CHN2: variants seen among roughly 807,000 people sequenced by gnomAD.
CHN2 encodes chimerin 2.
In CHN2, 35 loss-of-function variants were observed where a neutral mutation model predicts 56.3. The observed-to-expected ratio is 0.62, with a 90% CI of 0.47 to 0.82. The LOEUF is 0.82. Among genes scored for constraint, CHN2 ranks in the 40% least tolerant of loss-of-function variants. The pLI, the probability that CHN2 is intolerant of heterozygous loss-of-function variation, is 0.00. For synonymous variants in CHN2, 210 were observed against 212.8 expected, an observed-to-expected ratio of 0.99 and a Z score of 0.12; for missense variants, 491 against 580.5, an observed-to-expected ratio of 0.85 and a Z score of 1.58.
At chr7:29,229,224 T>C (rs372875601) in intron 1 of CHN2, among the ~76,000 whole-genome samples, 1 of 152,150 alleles carries the variant, frequency 6.6e-6, no homozygotes, top group African/African-American at 2.4e-5. Context: ...ACAAAGGTAG[T>C]GTCTACCCAC....
At chr7:29,306,555 A>G (rs1012594025) in intron 1 of CHN2, among the ~76,000 whole-genome samples, 4 of 152,000 alleles carry the variant, frequency 2.6e-5, no homozygotes, top group Non-Finnish European at 4.4e-5. Context: ...GGAAAGGGGG[A>G]CCCTGGGTGT....
intron 1 of CHN2, among the ~76,000 whole-genome samples, chr7:29,235,741 A>G (rs1048109263): frequency 2.6e-5 from 4 of 152,338 alleles, no homozygotes; most frequent in African/African-American, 4.8e-5. Flanking sequence ...TTGCAGCAAC[A>G]TGGATGGAGC....
intron 6 of CHN2, among the ~76,000 whole-genome samples, chr7:29,412,520 C>T (rs1412022172): frequency 6.6e-6 from 1 of 151,804 alleles, no homozygotes; most frequent in Non-Finnish European, 1.5e-5. Context: ...TTAGTAGAGA[C>T]AGGTTTCACC....
rs868258469 is a variant in CHN2 at position 29,163,735 on chromosome 7, T to C, written c.274+16775T>C. 6.2e-4 allele frequency among the ~76,000 whole-genome samples: 95 copies of C among 152,348 alleles called. 1 individual carries two copies. The highest frequency in any genetic ancestry group is 2.1e-3 in the African/African-American group (89 of 41,582). On this transcript the variant is annotated intron_variant, in intron 2 of 6. Transcript: ENST00000439384. ...TCACCAGGCAATTGCTGATCAGCTT[T>C]CCATTACTATAGATTAGCTTGCATT...
intron 1 of CHN2, among the ~76,000 whole-genome samples, chr7:29,308,003 C>A (rs1794303017): frequency 6.6e-6 from 1 of 152,186 alleles, no homozygotes; most frequent in African/African-American, 2.4e-5. Context: ...AGCACTGCAT[C>A]TTTCTGGATT....
chr7:29,174,627 G>T (rs188595778), intron 2 of CHN2, among the ~76,000 whole-genome samples: 1 of 152,134 alleles, frequency 6.6e-6, no homozygotes, highest in Non-Finnish European at 1.5e-5. Flanking sequence ...TTGGGAGGCC[G>T]ACTTGGGCGG....
At chr7:29,178,606 TA>T (rs1301483740) in intron 2 of CHN2, among the ~76,000 whole-genome samples, 1 of 152,160 alleles carries the variant, frequency 6.6e-6, no homozygotes, top group East Asian at 1.9e-4. Flanking sequence ...GTTATCTTTT[TA>T]AAAAAAGCAG....
chr7:29,285,777 T>A (rs1346476560), intron 1 of CHN2, among the ~76,000 whole-genome samples: 1 of 152,210 alleles, frequency 6.6e-6, no homozygotes, highest in Non-Finnish European at 1.5e-5. Flanking sequence ...ACAATATTGC[T>A]CTTCTCCCTA....
intron 1 of CHN2, among the ~76,000 whole-genome samples, chr7:29,224,130 T>C (rs1786014424): frequency 6.6e-6 from 1 of 152,142 alleles, no homozygotes; most frequent in Non-Finnish European, 1.5e-5. Context: ...TGTTCTAAAA[T>C]TGGAACATTC....
intron 9 of CHN2, among the ~76,000 whole-genome samples, chr7:29,503,238 G>A (rs1349884358): frequency 6.6e-6 from 1 of 152,180 alleles, no homozygotes; most frequent in African/African-American, 2.4e-5. Flanking sequence ...CAAAGAGCAA[G>A]CTCGCTCTCT....
Position 29,360,329 on chromosome 7 carries a change from C to T in CHN2, c.88+5666C>T, listed in dbSNP as rs1798635883. 3.3e-5 allele frequency among the ~76,000 whole-genome samples: 5 copies of T among 152,110 alleles called. No homozygotes were observed. In the South Asian group the frequency reaches 1.0e-3, roughly 32 times the overall value. On this transcript the variant is annotated intron_variant, in intron 2 of 12. Transcript: ENST00000222792. The stretch of plus-strand genomic sequence containing the variant: ...CTGCGGTTGGGAGTTCGAGACCAGC[C>T]TGACCAATATGGAGAAACCCCATCT...
chr7:29,295,006 C>T (rs1793004099), intron 1 of CHN2, among the ~76,000 whole-genome samples: 1 of 152,086 alleles, frequency 6.6e-6, no homozygotes, highest in South Asian at 2.1e-4. Flanking sequence ...CCACAGATAC[C>T]AAGATCCATG....
At chr7:29,193,319 T>C (rs1783138835), upstream of CHN2, 1 of 152,236 alleles carries the variant, frequency 6.6e-6, no homozygotes, top group Non-Finnish European at 1.5e-5. Context: ...TGTGATTATT[T>C]AACATTCATT....
chr7:29,208,296 T>C (rs1784668845), intron 1 of CHN2, among the ~76,000 whole-genome samples: 1 of 152,088 alleles, frequency 6.6e-6, no homozygotes, highest in South Asian at 2.1e-4. Context: ...TCCTCCTTTT[T>C]CCCATAGGAC....
At chr7:29,463,934 G>T (rs1785367133) in intron 6 of CHN2, among the ~76,000 whole-genome samples, 1 of 152,182 alleles carries the variant, frequency 6.6e-6, no homozygotes, top group Non-Finnish European at 1.5e-5. Context: ...CAGTAATCCT[G>T]TGCTTACTTT....
chr7:29,259,023 T>TAAA lies in CHN2; in HGVS notation c.49+64048_49+64050dup, dbSNP rs34469755. Among the ~76,000 whole-genome samples, 632 of 142,894 alleles carry TAAA rather than the reference T, an allele frequency of 4.4e-3. 4 individuals are homozygous for TAAA. The highest frequency in any genetic ancestry group is 0.016 in the African/African-American group (604 of 38,586). The allele number at this position is 142,894 out of a possible 152,430, so 93.7% of individuals were successfully genotyped here. On this transcript the variant is annotated intron_variant, in intron 1 of 12. Coordinates refer to ENST00000222792, the MANE Select transcript of CHN2 (RefSeq NM_004067.4). ...GCACATAGTGGAGTACTATGTAGCT[T>TAAA]AAAAAAAAAAAAAAAAAGAATGGGC...
chr7:29,249,061 A>C (rs1788291709), intron 1 of CHN2, among the ~76,000 whole-genome samples: 1 of 152,082 alleles, frequency 6.6e-6, no homozygotes, highest in African/African-American at 2.4e-5. Flanking sequence ...TATGATAGCT[A>C]GCTAGCTGGA....
chr7:29,281,654 G>A (rs1291353088), intron 1 of CHN2, among the ~76,000 whole-genome samples: 1 of 149,724 alleles, frequency 6.7e-6, no homozygotes, highest in African/African-American at 2.5e-5. Context: ...TGGAAAATGG[G>A]TCAACATATC....
chr7:29,471,522 A>G lies in CHN2; in HGVS notation c.577-8757A>G, dbSNP rs369830736. On this transcript the variant is annotated intron_variant, in intron 6 of 12. Coordinates refer to ENST00000222792, the MANE Select transcript of CHN2 (RefSeq NM_004067.4). ...GCTGCTAAACAAGGTACTTTGGTCC[A>G]TTTCAGCGCACATACAGGCCTTTCA... Among the ~76,000 whole-genome samples the G allele has an allele frequency of 7.2e-5, 11 of 152,308 alleles. 1 individual carries two copies. Among genetic ancestry groups the G allele is most frequent in the African/African-American group, 2.4e-4 (10 of 41,570 alleles).
Sources: gnomAD v4.1 joint callset for allele counts (sites outside exome capture counted in the v4.1 genomes callset) on GRCh38, gnomAD v4.1.1 for gene constraint, MANE v1.5 for transcripts, NCBI Gene and HGNC (gene_info 2026-07-23, HGNC 2026-07-21) for gene names.